The following ICAM3 variants were observed in gnomAD, a reference collection of about 807,000 sequenced individuals.
ICAM3 encodes the protein intercellular adhesion molecule 3.
ICAM3 carries 54 observed loss-of-function variants against 43.6 expected under a neutral mutation model. That is an observed-to-expected ratio of 1.24 (90% CI 0.99 to 1.55). ICAM3 has a LOEUF of 1.55. Among genes scored for constraint, ICAM3 ranks in the 40% most tolerant of loss-of-function variants. ICAM3 has a pLI of 0.00. For synonymous variants in ICAM3, 306 were observed against 312.6 expected (o/e 0.98, Z 0.22); for missense variants, 715 against 717.9 (o/e 1.00, Z 0.05).
In ICAM3 at chr19:10,339,560, C is replaced by T. The variant is rs148348101; in HGVS notation, c.55G>A (p.Val19Ile). Residue 19 changes from valine to isoleucine, a missense_variant, in exon 1 of 7, where the codon GTC (valine) becomes ATC (isoleucine). Coordinates refer to ENST00000160262, the MANE Select transcript of ICAM3 (RefSeq NM_002162.5). ...TCACCTGGGGTCAGCAGACAGCAGACCAGCAGAGTCCAGCAGGCCCTGGGC... is the reference window on the plus strand; with the variant it reads ...TCACCTGGGGTCAGCAGACAGCAGATCAGCAGAGTCCAGCAGGCCCTGGGC... Reference protein sequence around the residue: ...LWPRACWTLLVCCLLTPGVQG... With the variant: ...LWPRACWTLLICCLLTPGVQG... 1,446 of 1,614,042 alleles carry T rather than the reference C, an allele frequency of 9.0e-4. 23 individuals carry two copies. The South Asian group carries it at 0.015, about 17-fold the overall frequency.
At chr19:10,335,508 C>T in intron 3 of ICAM3, 155 bp from the exon 4 acceptor site, 2 of 1,091,110 alleles carry the variant, frequency 1.8e-6, no homozygotes, top group Non-Finnish European at 1.3e-6. Context: ...AAAGATCCCA[C>T]GGCTCGGGCC....
rs1342315299 is a variant in ICAM3, at chr19:10,334,293, C to G, written c.1308G>C (p.Leu436Phe). 1 of 1,614,204 alleles carries G rather than the reference C, an allele frequency of 6.2e-7. No homozygotes were observed. The highest frequency in any genetic ancestry group is 8.5e-7 in the Non-Finnish European group (1 of 1,180,038). ...RGNPYPELRC[L>F]KEGSSREVPV... ...GCACCTCCCGGCTGGAGCCTTCCTT[C>G]AAACACCGCAGCTCGGGGTACGGGT... is the stretch of plus-strand genomic sequence containing the variant. The change falls in exon 6 of 7, where the codon TTG becomes TTC. Residue 436 changes from leucine to phenylalanine, a missense_variant. Coordinates refer to ENST00000160262, the MANE Select transcript of ICAM3 (RefSeq NM_002162.5). This position sits in a 1 kb window ranked among gnomAD's most constrained non-coding sequence, Gnocchi z 5.5.
In ICAM3 at chr19:10,334,736, C is replaced by T. The variant is rs141587193; in HGVS notation, c.984G>A (p.Glu328=). 1.3e-4 allele frequency: 215 copies of T among 1,610,780 alleles called. No homozygotes were observed. The African/African-American group carries it at 2.3e-3, about 17-fold the overall frequency. ...IVNLSEPTAH[E]GSTVTVSCMA... ...TGCAACTCACGGTCACTGTGGACCC[C>T]TCATGGGCGGTGGGCTCGCTGAGGT... The change falls in exon 5 of 7, where the codon GAG becomes GAA. Residue 328 remains glutamate (E), a synonymous_variant. Transcript: ENST00000160262. This position sits in a 1 kb window ranked among gnomAD's most constrained non-coding sequence, Gnocchi z 5.5.
At chr19:10,338,646 C>A in intron 2 of ICAM3, 36 bp downstream of exon 2, 1 of 1,608,002 alleles carries the variant, frequency 6.2e-7, no homozygotes, top group South Asian at 1.1e-5. Flanking sequence ...ACACCACTAC[C>A]CAAGACCAGT....
In ICAM3 at chr19:10,334,339, AG is replaced by A; in HGVS notation, c.1261del (p.Leu421CysfsTer16). The A allele has an allele frequency of 2.5e-6, 4 of 1,614,190 alleles. No individual in the cohort carries two copies. Among genetic ancestry groups the A allele is most frequent in the Non-Finnish European group, 3.4e-6 (4 of 1,180,036 alleles). On this transcript the variant is annotated frameshift_variant, in exon 6 of 7. Coordinates refer to ENST00000160262, the MANE Select transcript of ICAM3 (RefSeq NM_002162.5). LOFTEE classifies it high-confidence loss of function. The surrounding 1 kb of genome is among the most constrained non-coding windows in gnomAD (Gnocchi z 5.5). ...LKWKDKTRHV[L>X]QCQARGNPYP... is the part of the protein sequence containing the mutation. ...CGGGTTGCCCCTGGCTTGGCACTGC[AG>A]GACGTGTCTCGTTTTATCTTTCCAT...
At position 10,334,920 on chromosome 19, in the gene ICAM3, T is replaced by C. The variant is rs1170615352; in HGVS notation, c.938-138A>G. 2 of 1,442,090 alleles carry C rather than the reference T, an allele frequency of 1.4e-6. No homozygotes were observed. The highest frequency in any genetic ancestry group is 1.9e-6 in the Non-Finnish European group (2 of 1,071,672). The allele number at this position is 1,442,090 out of a possible 1,614,324, so 89.3% of individuals were successfully genotyped here. On this transcript the variant is annotated intron_variant, in intron 4 of 6. Coordinates refer to ENST00000160262, the MANE Select transcript of ICAM3 (RefSeq NM_002162.5). The surrounding 1 kb of genome is among the most constrained non-coding windows in gnomAD (Gnocchi z 5.5). Reference sequence around the variant, plus strand: ...TTCAAGCCTCGCCCTCTTTCCGCGCTGTGTCCAGCTTCGGGCACTCAGGCC... The same window carrying C: ...TTCAAGCCTCGCCCTCTTTCCGCGCCGTGTCCAGCTTCGGGCACTCAGGCC...
rs576591325 is a variant in ICAM3 at position 10,335,271 on chromosome 19, G to A, written c.732C>T (p.Asp244=). 9 of 1,613,384 alleles carry A rather than the reference G, an allele frequency of 5.6e-6. No homozygotes were observed. In the East Asian group the frequency reaches 2.0e-4, roughly 36 times the overall value. Residue 244 remains aspartate, a synonymous_variant, in exon 4 of 7, where the codon GAC becomes GAT. Coordinates refer to ENST00000160262, the MANE Select transcript of ICAM3 (RefSeq NM_002162.5). ...ETSWPVDCTL[D]GLFPASEAQV... is the part of the protein sequence containing the mutation. ...GGGCCTCTGAGGCTGGAAAAAGCCCGTCTAGGGTGCAGTCCACCGGCCACG... is the reference window on the plus strand; with the variant it reads ...GGGCCTCTGAGGCTGGAAAAAGCCCATCTAGGGTGCAGTCCACCGGCCACG...
At position 10,335,225 on chromosome 19, in the gene ICAM3, C is replaced by A. The variant is rs933995744; in HGVS notation, c.778G>T (p.Asp260Tyr). Residue 260 changes from aspartate to tyrosine, a missense_variant, in exon 4 of 7, where the codon GAC becomes TAC. By Grantham distance (160) the Asp-to-Tyr change is radical (BLOSUM62 -3). Coordinates refer to ENST00000160262, the MANE Select transcript of ICAM3 (RefSeq NM_002162.5). Reference protein sequence around the residue: ...SEAQVYLALGDQMLNATVMNH... With the variant: ...SEAQVYLALGYQMLNATVMNH... ...ATGACTGTCGCATTCAGCATCTGGTCCCCCAGCGCCAGGTAGACCTGGGCC... is the reference window on the plus strand; with the variant it reads ...ATGACTGTCGCATTCAGCATCTGGTACCCCAGCGCCAGGTAGACCTGGGCC... 3.1e-6 allele frequency: 5 copies of A among 1,613,836 alleles called. No individual in the cohort carries two copies. Among genetic ancestry groups the A allele is most frequent in the Admixed American group, 1.7e-5 (1 of 60,008 alleles).
In ICAM3 at chr19:10,334,876, C is replaced by T. The variant is rs2040570245; in HGVS notation, c.938-94G>A. 3 of 1,483,024 alleles carry T rather than the reference C, an allele frequency of 2.0e-6. No homozygotes were observed. The allele number at this position is 1,483,024 out of a possible 1,614,324, so 91.9% of individuals were successfully genotyped here. A position where few individuals can be genotyped will look rare whatever the true frequency, so the allele number is the denominator to read the frequency against. On this transcript the variant is annotated intron_variant, in intron 4 of 6. Transcript: ENST00000160262. This position sits in a 1 kb window ranked among gnomAD's most constrained non-coding sequence, Gnocchi z 5.5. ...CCCTCCCCTTTCCTCTCGGGATATC[C>T]GGGCCACGCTTTCGGCCGTTCAAGC...
At chr19:10,335,627 C>T in intron 3 of ICAM3, 44 bp downstream of exon 3, 1 of 1,540,286 alleles carries the variant, frequency 6.5e-7, no homozygotes, top group Non-Finnish European at 8.8e-7. Flanking sequence ...CACCGTCTAC[C>T]CTGGCTCAGC....
chr19:10,334,746 G>C lies in ICAM3; in HGVS notation c.974C>G (p.Thr325Ser). The stretch of plus-strand genomic sequence containing the variant: ...GGTCACTGTGGACCCCTCATGGGCG[G>C]TGGGCTCGCTGAGGTTCACAATGGG... ...LGPIVNLSEPTAHEGSTVTVS... is the reference protein window; with the variant it reads ...LGPIVNLSEPSAHEGSTVTVS... Residue 325 changes from threonine to serine, a missense_variant, in exon 5 of 7, where the codon ACC becomes AGC. Coordinates refer to ENST00000160262, the MANE Select transcript of ICAM3 (RefSeq NM_002162.5). This position sits in a 1 kb window ranked among gnomAD's most constrained non-coding sequence, Gnocchi z 5.5. The C allele has an allele frequency of 6.2e-7, 1 of 1,608,756 alleles. No homozygotes were observed. The highest frequency in any genetic ancestry group is 8.5e-7 in the Non-Finnish European group (1 of 1,176,710).
chr19:10,336,255 T>A, intron 2 of ICAM3: 2 of 451,568 alleles, frequency 4.4e-6, no homozygotes, highest in Non-Finnish European at 4.0e-6. Context: ...GGGATGAACG[T>A]TTATGACTAT....
In ICAM3 at chr19:10,335,232, C is replaced by A; in HGVS notation, c.771G>T (p.Ala257=). The A allele has an allele frequency of 6.2e-7, 1 of 1,613,872 alleles. No individual in the cohort carries two copies. Among genetic ancestry groups the A allele is most frequent in the Non-Finnish European group, 8.5e-7 (1 of 1,180,034 alleles). The change falls in exon 4 of 7, where the codon GCG becomes GCT. Residue 257 remains alanine (A), a synonymous_variant. Coordinates refer to ENST00000160262, the MANE Select transcript of ICAM3 (RefSeq NM_002162.5). The part of the protein sequence containing the change: ...FPASEAQVYL[A]LGDQMLNATV... ...TCGCATTCAGCATCTGGTCCCCCAGCGCCAGGTAGACCTGGGCCTCTGAGG... is the reference window on the plus strand; with the variant it reads ...TCGCATTCAGCATCTGGTCCCCCAGAGCCAGGTAGACCTGGGCCTCTGAGG...
At chr19:10,336,120 C>A in intron 2 of ICAM3, 144 bp from the exon 3 acceptor site, 1 of 703,132 alleles carries the variant, frequency 1.4e-6, no homozygotes, top group Non-Finnish European at 2.3e-6. Flanking sequence ...CTGGGCCAGT[C>A]GAAGCGTTTG....
chr19:10,335,191 C>G lies in ICAM3; in HGVS notation c.812G>C (p.Gly271Ala), dbSNP rs2040579546. ...TGTGGCTGTGGCCGTTAGCGTGTCC[C>G]CGTGGTTCATGACTGTCGCATTCAG... is the stretch of plus-strand genomic sequence containing the variant. ...QMLNATVMNH[G>A]DTLTATATAT... Residue 271 changes from glycine to alanine, a missense_variant, in exon 4 of 7, where the codon GGG becomes GCG. Coordinates refer to ENST00000160262, the MANE Select transcript of ICAM3 (RefSeq NM_002162.5). The G allele has an allele frequency of 6.2e-7, 1 of 1,613,750 alleles. No homozygotes were observed. The highest frequency in any genetic ancestry group is 1.3e-5 in the African/African-American group (1 of 74,916).
chr19:10,339,539 C>G lies in ICAM3; in HGVS notation c.76G>C (p.Gly26Arg), dbSNP rs757110882. The change falls in exon 1 of 7, where the codon GGT becomes CGT. Residue 26 changes from glycine (G) to arginine (R), a missense_variant and splice_region_variant. Coordinates refer to ENST00000160262, the MANE Select transcript of ICAM3 (RefSeq NM_002162.5). ...CCCTCCCCGGCTTGACTGGTCTCAC[C>G]TGGGGTCAGCAGACAGCAGACCAGC... ...TLLVCCLLTP[G>R]VQGQEFLLRV... 3 of 1,613,930 alleles carry G rather than the reference C, an allele frequency of 1.9e-6. No individual in the cohort carries two copies. Among genetic ancestry groups the G allele is most frequent in the East Asian group, 2.2e-5 (1 of 44,874 alleles).
Position 10,334,396 on chromosome 19 carries a change from A to G in ICAM3, c.1205T>C (p.Ile402Thr), listed in dbSNP as rs993329989. 2 of 1,614,060 alleles carry G rather than the reference A, an allele frequency of 1.2e-6. No homozygotes were observed. Among genetic ancestry groups the G allele is most frequent in the Non-Finnish European group, 1.7e-6 (2 of 1,180,006 alleles). Residue 402 changes from isoleucine (I) to threonine (T), a missense_variant, in exon 6 of 7, where the codon ATT (isoleucine) becomes ACT (threonine). By Grantham distance (89) the Ile-to-Thr change is moderately conservative. Coordinates refer to ENST00000160262, the MANE Select transcript of ICAM3 (RefSeq NM_002162.5). The surrounding 1 kb of genome is among the most constrained non-coding windows in gnomAD (Gnocchi z 5.5). ...GTGCTGGGGGCATGTGGCTCGGTCA[A>G]TTTTGGGACCATCTGTGGAACCACC... ...VQLRVLYGPK[I>T]DRATCPQHLK...
At chr19:10,337,436 AG>A (rs1354397649) in intron 2 of ICAM3, among the ~76,000 whole-genome samples, 2 of 150,592 alleles carry the variant, frequency 1.3e-5, no homozygotes, top group African/African-American at 4.9e-5. Context: ...AAAAAAGAAA[AG>A]AAAAGAAAAA....
Position 10,334,854 on chromosome 19 carries a change from T to C in ICAM3, c.938-72A>G. On this transcript the variant is annotated intron_variant, in intron 4 of 6. Transcript: ENST00000160262. This position sits in a 1 kb window ranked among gnomAD's most constrained non-coding sequence, Gnocchi z 5.5. The stretch of plus-strand genomic sequence containing the variant: ...GTGGGTCAAGCCGCTCCCTCCGCCC[T>C]CCCCTTTCCTCTCGGGATATCCGGG... 1 of 1,502,564 alleles carries C rather than the reference T, an allele frequency of 6.7e-7. No homozygotes were observed. The highest frequency in any genetic ancestry group is 8.9e-7 in the Non-Finnish European group (1 of 1,120,728). The allele number at this position is 1,502,564 out of a possible 1,614,324, so 93.1% of individuals were successfully genotyped here.
Sources: gnomAD v4.1 joint callset for allele counts (sites outside exome capture counted in the v4.1 genomes callset) on GRCh38, gnomAD v4.1.1 for gene constraint, Gnocchi (gnomAD v3.1) non-coding constraint, MANE v1.5 for transcripts, NCBI Gene and HGNC (gene_info 2026-07-23, HGNC 2026-07-21) for gene names.